The following KCNQ5 variants were observed in gnomAD, a reference collection of about 807,000 sequenced individuals.
KCNQ5 encodes the protein potassium voltage-gated channel subfamily Q member 5.
Under a neutral mutation model 98.2 loss-of-function variants are expected in KCNQ5, and 30 were observed. The ratio of observed to expected loss-of-function variants is 0.31; its 90% CI spans 0.23 to 0.41. The LOEUF is 0.41. Among genes scored for constraint, KCNQ5 ranks in the 10% least tolerant of loss-of-function variants. KCNQ5 has a pLI of 1.00. For missense variants in KCNQ5, 835 were observed against 1,182.5 expected (o/e 0.71, Z 4.31); for synonymous variants, 458 against 449.4 (o/e 1.02, Z -0.24).
At chr6:72,985,340 A>G (rs1263727990) in intron 1 of KCNQ5, among the ~76,000 whole-genome samples, 1 of 152,254 alleles carries the variant, frequency 6.6e-6, no homozygotes, top group Non-Finnish European at 1.5e-5. Flanking sequence ...CATGTAACTA[A>G]CAGCATATTT....
chr6:72,718,294 G>A (rs1445965785), intron 1 of KCNQ5, among the ~76,000 whole-genome samples: 1 of 151,984 alleles, frequency 6.6e-6, no homozygotes, highest in African/African-American at 2.4e-5. Flanking sequence ...ATGTTATGAT[G>A]TATGCCTCTC....
At chr6:72,708,124 T>C (rs1358344575) in intron 1 of KCNQ5, among the ~76,000 whole-genome samples, 1 of 152,250 alleles carries the variant, frequency 6.6e-6, no homozygotes, top group Non-Finnish European at 1.5e-5. Context: ...TACTTCTGAA[T>C]AGTCTTTACT....
intron 3 of KCNQ5, among the ~76,000 whole-genome samples, chr6:73,051,675 A>G (rs1772241054): frequency 6.8e-6 from 1 of 148,142 alleles, no homozygotes; most frequent in South Asian, 2.2e-4. Context: ...ATGAGATTCA[A>G]ACCTTCCAGG....
At chr6:72,829,577 A>T (rs1392805550) in intron 1 of KCNQ5, among the ~76,000 whole-genome samples, 2 of 152,216 alleles carry the variant, frequency 1.3e-5, no homozygotes, top group Non-Finnish European at 2.9e-5. Context: ...GCACAGTGCG[A>T]ATAACTCTCG....
intron 6 of KCNQ5, among the ~76,000 whole-genome samples, chr6:73,107,739 T>C (rs753040670): frequency 6.6e-6 from 1 of 152,206 alleles, no homozygotes; most frequent in Non-Finnish European, 1.5e-5. Flanking sequence ...GTATGAAATT[T>C]TTATATGCAA....
chr6:73,119,197 C>A lies in KCNQ5; in HGVS notation c.1126-1286C>A, dbSNP rs144600723. Among the ~76,000 whole-genome samples, 387 of 152,244 alleles carry A rather than the reference C, an allele frequency of 2.5e-3. 6 individuals are homozygous for A. The highest frequency in any genetic ancestry group is 7.7e-3 in the African/African-American group (322 of 41,550). On this transcript the variant is annotated intron_variant, in intron 7 of 13. Transcript: ENST00000370398. ...CAAAATCTATATGGGAAAGTAAGGT[C>A]GGGCAATCTCTCAAATGAGCAGTTC...
chr6:73,162,641 G>A (rs529578430), intron 10 of KCNQ5, among the ~76,000 whole-genome samples: 3 of 152,298 alleles, frequency 2.0e-5, no homozygotes, highest in South Asian at 4.1e-4. Flanking sequence ...TAAGCCCCTA[G>A]GAGTAATAAG....
In KCNQ5 at chr6:73,011,496, G is replaced by T. The variant is rs527967358; in HGVS notation, c.489+7498G>T. On this transcript the variant is annotated intron_variant, in intron 2 of 13. Transcript: ENST00000370398. ...AAAAATTAACTTGAAATGCCTTAAAGACCTAAAACTATAACATTGTTAGAA... is the reference window on the plus strand; with the variant it reads ...AAAAATTAACTTGAAATGCCTTAAATACCTAAAACTATAACATTGTTAGAA... Among the ~76,000 whole-genome samples the T allele has an allele frequency of 2.0e-4, 30 of 152,148 alleles. 2 individuals are homozygous for T. In the South Asian group the frequency reaches 6.2e-3, roughly 32 times the overall value.
rs959856211 is a variant in KCNQ5 at position 73,014,991 on chromosome 6, T to C, written c.489+10993T>C. On this transcript the variant is annotated intron_variant, in intron 2 of 13. Transcript: ENST00000370398. ...TGCACATGAAATTGTAAGGGTTTGA[T>C]ACAGAATGAGATGACAGTAGTCTTT... is the stretch of plus-strand genomic sequence containing the variant. Among the ~76,000 whole-genome samples the C allele has an allele frequency of 4.6e-5, 7 of 152,092 alleles. No homozygotes were observed. The South Asian group carries it at 8.3e-4, about 18-fold the overall frequency.
rs570440093 is a variant in KCNQ5, at chr6:72,665,100, C to A, written c.398+42513C>A. Reference sequence around the variant, plus strand: ...TGGTGTCTCACGCCTGTAATCCCAGCACTTTGGGAGGCCACGGTAGGTGTA... The same window carrying A: ...TGGTGTCTCACGCCTGTAATCCCAGAACTTTGGGAGGCCACGGTAGGTGTA... On this transcript the variant is annotated intron_variant, in intron 1 of 13. Transcript: ENST00000370398. Among the ~76,000 whole-genome samples the A allele has an allele frequency of 1.3e-3, 201 of 152,170 alleles. 2 individuals are homozygous for A. Among genetic ancestry groups the A allele is most frequent in the African/African-American group, 4.7e-3 (195 of 41,494 alleles).
chr6:73,035,124 T>C (rs957970171), intron 2 of KCNQ5, among the ~76,000 whole-genome samples: 10 of 152,020 alleles, frequency 6.6e-5, no homozygotes, highest in African/African-American at 1.4e-4. Context: ...GGATTACAGG[T>C]GTGAACCACC....
chr6:72,788,700 T>C (rs899817334), intron 1 of KCNQ5, among the ~76,000 whole-genome samples: 2 of 152,224 alleles, frequency 1.3e-5, no homozygotes, highest in African/African-American at 4.8e-5. Flanking sequence ...GATGCCATGG[T>C]ACTAATAATG....
At chr6:72,954,681 G>GA (rs2150258281) in intron 1 of KCNQ5, among the ~76,000 whole-genome samples, 1 of 152,192 alleles carries the variant, frequency 6.6e-6, no homozygotes, top group South Asian at 2.1e-4. Flanking sequence ...AATTTAAGTT[G>GA]AAAGCATGAT....
chr6:73,034,946 C>A (rs1477873681), intron 2 of KCNQ5, among the ~76,000 whole-genome samples: 1 of 150,782 alleles, frequency 6.6e-6, no homozygotes, highest in Admixed American at 6.6e-5. Flanking sequence ...CCCGGGTTCA[C>A]GCCATTCTCC....
chr6:73,129,115 G>C (rs2150450745), intron 9 of KCNQ5, among the ~76,000 whole-genome samples: 1 of 152,270 alleles, frequency 6.6e-6, no homozygotes, highest in East Asian at 1.9e-4. Flanking sequence ...TTCCAACATA[G>C]TCAACTTGTG....
chr6:72,670,707 G>T (rs558687918), intron 1 of KCNQ5, among the ~76,000 whole-genome samples: 1 of 152,204 alleles, frequency 6.6e-6, no homozygotes, highest in Non-Finnish European at 1.5e-5. Context: ...ACACCTTCTT[G>T]CTGTGTGCTC....
At chr6:72,656,089 A>G (rs1012176006) in intron 1 of KCNQ5, among the ~76,000 whole-genome samples, 3 of 152,168 alleles carry the variant, frequency 2.0e-5, no homozygotes, top group African/African-American at 7.2e-5. Context: ...TCAGCTGCAG[A>G]GTACCACTTT....
intron 1 of KCNQ5, among the ~76,000 whole-genome samples, chr6:72,996,585 G>C (rs1769310538): frequency 6.6e-6 from 1 of 152,166 alleles, no homozygotes; most frequent in Admixed American, 6.5e-5. Context: ...TGGTGTGGTA[G>C]GAAAAGTACA....
intron 1 of KCNQ5, among the ~76,000 whole-genome samples, chr6:72,723,756 AT>A (rs1770105707): frequency 6.6e-6 from 1 of 151,936 alleles, no homozygotes; most frequent in Non-Finnish European, 1.5e-5. Context: ...AATTTTTCAA[AT>A]TTTTCAAAAT....
Sources: gnomAD v4.1 joint callset for allele counts (sites outside exome capture counted in the v4.1 genomes callset) on GRCh38, gnomAD v4.1.1 for gene constraint, MANE v1.5 for transcripts, NCBI Gene and HGNC (gene_info 2026-07-23, HGNC 2026-07-21) for gene names.